Variants in PIEZO2 observed in about 807,000 individuals in gnomAD.
The protein encoded by PIEZO2 is piezo type mechanosensitive ion channel component 2.
PIEZO2 carries 172 observed loss-of-function variants against 337.3 expected under a neutral mutation model. The observed-to-expected ratio is 0.51, with a 90% CI of 0.45 to 0.58. The LOEUF is 0.58. Among genes scored for constraint, PIEZO2 ranks in the 20% least tolerant of loss-of-function variants. The pLI is 0.00. For synonymous variants in PIEZO2, 1,251 were observed against 1,228.5 expected (o/e 1.02, Z -0.38); for missense variants, 3,028 against 3,391.3 (o/e 0.89, Z 2.66).
At chr18:10,956,984 A>G (rs966594847) in intron 3 of PIEZO2, among the ~76,000 whole-genome samples, 1 of 110,874 alleles carries the variant, frequency 9.0e-6, no homozygotes, top group Non-Finnish European at 2.1e-5. Context: ...AAAAAAAAAA[A>G]AAGAAATCAT....
intron 30 of PIEZO2, among the ~76,000 whole-genome samples, chr18:10,747,957 A>G (rs865991483): frequency 6.6e-6 from 1 of 151,816 alleles, no homozygotes; most frequent in Non-Finnish European, 1.5e-5. Flanking sequence ...CCCCCACCTC[A>G]GGGCACTTCA....
rs1019472039 is a variant in PIEZO2 at position 10,895,184 on chromosome 18, G to T, written c.329+16002C>A. On this transcript the variant is annotated intron_variant, in intron 4 of 55. Transcript: ENST00000674853. This position sits in a 1 kb window ranked among gnomAD's most constrained non-coding sequence, Gnocchi z 4.8. The stretch of plus-strand genomic sequence containing the variant: ...CTCATGGCCGAGCATGGTGGCTCAT[G>T]CCTGTAATCCCAGCATTTTGGGAGG... 1.3e-5 allele frequency among the ~76,000 whole-genome samples: 2 copies of T among 152,172 alleles called. No homozygotes were observed. Among genetic ancestry groups the T allele is most frequent in the Non-Finnish European group, 2.9e-5 (2 of 68,034 alleles).
In PIEZO2 at chr18:10,728,974, AC is replaced by A. The variant is rs371221420; in HGVS notation, c.5029+2432del. 1.9e-3 allele frequency among the ~76,000 whole-genome samples: 273 copies of A among 140,448 alleles called. 2 individuals are homozygous for A. Among genetic ancestry groups the A allele is most frequent in the Middle Eastern group, 0.011 (3 of 272 alleles). The allele number at this position is 140,448 out of a possible 152,430, so 92.1% of individuals were successfully genotyped here. On this transcript the variant is annotated intron_variant, in intron 36 of 55. Transcript: ENST00000674853. ...TGTCTCAAAAAAAAAAAAAAAAAAA[AC>A]AAAAACCAATAAAGGAAACCACCTG... is the stretch of plus-strand genomic sequence containing the variant.
At chr18:10,803,825 T>C (rs2039905648) in intron 9 of PIEZO2, 50 bp downstream of exon 9, 31 of 1,533,020 alleles carry the variant, frequency 2.0e-5, no homozygotes, top group Non-Finnish European at 2.7e-5. Flanking sequence ...AACAGTAAAA[T>C]ACAAAAACAG....
At chr18:11,055,720 G>C (rs1193367465) in intron 2 of PIEZO2, among the ~76,000 whole-genome samples, 1 of 152,256 alleles carries the variant, frequency 6.6e-6, no homozygotes, top group East Asian at 1.9e-4. Context: ...TCCAGTTGCA[G>C]TGGGGGAAAT....
chr18:10,989,147 C>T (rs759887458), intron 2 of PIEZO2, among the ~76,000 whole-genome samples: 6 of 152,054 alleles, frequency 3.9e-5, no homozygotes, highest in South Asian at 2.1e-4. Flanking sequence ...TGGAGGGTGG[C>T]AGATATGTTT....
Position 10,828,494 on chromosome 18 carries a change from AT to A in PIEZO2, c.918-21221del, listed in dbSNP as rs1458107883. 1.3e-5 allele frequency among the ~76,000 whole-genome samples: 2 copies of A among 152,126 alleles called. No individual in the cohort carries two copies. Among genetic ancestry groups the A allele is most frequent in the Non-Finnish European group, 2.9e-5 (2 of 68,004 alleles). On this transcript the variant is annotated intron_variant, in intron 7 of 55. Coordinates refer to ENST00000674853, the MANE Select transcript of PIEZO2 (RefSeq NM_001378183.1). This position sits in a 1 kb window ranked among gnomAD's most constrained non-coding sequence, Gnocchi z 4.1. Reference sequence around the variant, plus strand: ...ATGTTTTCCTTCCATTGTTTCCTAAATGACCCTGGAAAAAACTGAAAGTAGA... The same window carrying A: ...ATGTTTTCCTTCCATTGTTTCCTAAAGACCCTGGAAAAAACTGAAAGTAGA...
Position 10,878,379 on chromosome 18 carries a change from C to T in PIEZO2, c.330-6964G>A, listed in dbSNP as rs1027813970. 4.6e-5 allele frequency among the ~76,000 whole-genome samples: 7 copies of T among 152,104 alleles called. No homozygotes were observed. Among genetic ancestry groups the T allele is most frequent in the East Asian group, 1.9e-4 (1 of 5,190 alleles). Reference sequence around the variant, plus strand: ...CCATAAAGAGCTCTGTAATTCAGCTCGGGGAAGATAATACACAAACACTAA... The same window carrying T: ...CCATAAAGAGCTCTGTAATTCAGCTTGGGGAAGATAATACACAAACACTAA... On this transcript the variant is annotated intron_variant, in intron 4 of 55. Coordinates refer to ENST00000674853, the MANE Select transcript of PIEZO2 (RefSeq NM_001378183.1). The surrounding 1 kb of genome is among the most constrained non-coding windows in gnomAD (Gnocchi z 4.3).
Position 10,727,136 on chromosome 18 carries a change from C to T in PIEZO2, c.5029+4271G>A, listed in dbSNP as rs540028153. 4.5e-6 allele frequency: 2 copies of T among 439,880 alleles called. No homozygotes were observed. The highest frequency in any genetic ancestry group is 7.9e-6 in the Non-Finnish European group (2 of 252,552). 27.2% of individuals were successfully genotyped at this position (439,880 alleles called of 1,614,324 possible). On this transcript the variant is annotated intron_variant, in intron 36 of 55. Coordinates refer to ENST00000674853, the MANE Select transcript of PIEZO2 (RefSeq NM_001378183.1). The surrounding 1 kb of genome is among the most constrained non-coding windows in gnomAD (Gnocchi z 6.3). Reference sequence around the variant, plus strand: ...GCTAGCCTCCCTGGGGCCTGGGGATCTGCAGCAGCATGTCTGGCAAACTGA... The same window carrying T: ...GCTAGCCTCCCTGGGGCCTGGGGATTTGCAGCAGCATGTCTGGCAAACTGA...
In PIEZO2 at chr18:11,096,534, C is replaced by T. The variant is rs534749122; in HGVS notation, c.65-30312G>A. Among the ~76,000 whole-genome samples, 2 of 152,162 alleles carry T rather than the reference C, an allele frequency of 1.3e-5. No homozygotes were observed. Among genetic ancestry groups the T allele is most frequent in the Admixed American group, 1.3e-4 (2 of 15,276 alleles). The stretch of plus-strand genomic sequence containing the variant: ...CTGAAATGACGCTTTACTAAGCATT[C>T]TCTGTGGCCATTCCCAGTTCTTTTC... On this transcript the variant is annotated intron_variant, in intron 1 of 55. Coordinates refer to ENST00000674853, the MANE Select transcript of PIEZO2 (RefSeq NM_001378183.1). The surrounding 1 kb of genome is among the most constrained non-coding windows in gnomAD (Gnocchi z 4.6).
At chr18:11,084,488 C>A (rs2038854411) in intron 1 of PIEZO2, among the ~76,000 whole-genome samples, 1 of 152,044 alleles carries the variant, frequency 6.6e-6, no homozygotes, top group South Asian at 2.1e-4. Flanking sequence ...GGTTGTGTAG[C>A]CAGAATGCAA....
chr18:10,903,600 G>A lies in PIEZO2; in HGVS notation c.329+7586C>T, dbSNP rs555051834. Among the ~76,000 whole-genome samples, 54 of 151,102 alleles carry A rather than the reference G, an allele frequency of 3.6e-4. No homozygotes were observed. The highest frequency in any genetic ancestry group is 1.3e-3 in the African/African-American group (52 of 41,098). On this transcript the variant is annotated intron_variant, in intron 4 of 55. Transcript: ENST00000674853. The surrounding 1 kb of genome is among the most constrained non-coding windows in gnomAD (Gnocchi z 4.1). ...CAGGAGAATGGCATGAACCCAGGAG[G>A]AGGCAGAGCTTGCAGTGAGCCGAGA...
chr18:10,682,759 T>C lies in PIEZO2; in HGVS notation c.7498-467A>G, dbSNP rs1439136157. ...TGAAAAAACATGATTTTTAATTTAA[T>C]TCATGACACGTGTTGTTAAAGACAA... On this transcript the variant is annotated intron_variant, in intron 49 of 55. Coordinates refer to ENST00000674853, the MANE Select transcript of PIEZO2 (RefSeq NM_001378183.1). This position sits in a 1 kb window ranked among gnomAD's most constrained non-coding sequence, Gnocchi z 5.6. 2.0e-5 allele frequency among the ~76,000 whole-genome samples: 3 copies of C among 151,732 alleles called. No homozygotes were observed. Among genetic ancestry groups the C allele is most frequent in the Admixed American group, 6.6e-5 (1 of 15,156 alleles).
rs2042833337 is a variant in PIEZO2 at position 10,894,245 on chromosome 18, G to C, written c.329+16941C>G. On this transcript the variant is annotated intron_variant, in intron 4 of 55. Transcript: ENST00000674853. This position sits in a 1 kb window ranked among gnomAD's most constrained non-coding sequence, Gnocchi z 4.1. ...ATGGGGGCGGATCACCTGAGGTCAG[G>C]AGTTGAGACCAGCCTGGCCAACATG... is the stretch of plus-strand genomic sequence containing the variant. 6.6e-6 allele frequency among the ~76,000 whole-genome samples: 1 copy of C among 152,086 alleles called. No individual in the cohort carries two copies. Among genetic ancestry groups the C allele is most frequent in the African/African-American group, 2.4e-5 (1 of 41,404 alleles).
In PIEZO2 at chr18:10,809,260, C is replaced by CTCT. The variant is rs1173120936; in HGVS notation, c.918-1987_918-1986insAGA. Among the ~76,000 whole-genome samples the CTCT allele has an allele frequency of 5.5e-3, 364 of 65,970 alleles. 15 individuals carry two copies. The highest frequency in any genetic ancestry group is 0.028 in the Middle Eastern group (2 of 72). The allele number at this position is 65,970 out of a possible 152,430, so 43.3% of individuals were successfully genotyped here. A position where few individuals can be genotyped will look rare whatever the true frequency, so the allele number is the denominator to read the frequency against. The stretch of plus-strand genomic sequence containing the variant: ...ACCTAAGATTTCTCTCTCTCTCTCT[C>CTCT]TTTTTTTTTTTTTTTTTTTTTTTTT... On this transcript the variant is annotated intron_variant, in intron 7 of 55. Coordinates refer to ENST00000674853, the MANE Select transcript of PIEZO2 (RefSeq NM_001378183.1).
Position 10,962,192 on chromosome 18 carries a change from T to C in PIEZO2, c.286+17343A>G, listed in dbSNP as rs2033810511. Among the ~76,000 whole-genome samples, 1 of 152,196 alleles carries C rather than the reference T, an allele frequency of 6.6e-6. No homozygotes were observed. The highest frequency in any genetic ancestry group is 1.5e-5 in the Non-Finnish European group (1 of 68,040). On this transcript the variant is annotated intron_variant, in intron 3 of 55. Coordinates refer to ENST00000674853, the MANE Select transcript of PIEZO2 (RefSeq NM_001378183.1). This position sits in a 1 kb window ranked among gnomAD's most constrained non-coding sequence, Gnocchi z 4.1. ...AATTATTTCCAGATGCTCTGTTCAA[T>C]GAAAGAGTCTTAAAAATAATGCAAA...
chr18:10,977,205 GT>G (rs575991960), intron 3 of PIEZO2, among the ~76,000 whole-genome samples: 2 of 152,040 alleles, frequency 1.3e-5, no homozygotes, highest in Non-Finnish European at 2.9e-5. Flanking sequence ...TTAGACTCTT[GT>G]GAGTCAGAAG....
In PIEZO2 at chr18:10,724,661, C is replaced by T. The variant is rs2036455492; in HGVS notation, c.5030-6402G>A. ...TCTCAGGCGTATGATCAGGCACCCA[C>T]CAGCCCACCTACCAGTCTGCTGTCC... On this transcript the variant is annotated intron_variant, in intron 36 of 55. Transcript: ENST00000674853. This position sits in a 1 kb window ranked among gnomAD's most constrained non-coding sequence, Gnocchi z 5.8. The T allele has an allele frequency of 1.2e-6, 1 of 857,546 alleles. No homozygotes were observed. Among genetic ancestry groups the T allele is most frequent in the Middle Eastern group, 2.3e-4 (1 of 4,296 alleles). 53.1% of individuals were successfully genotyped at this position (857,546 alleles called of 1,614,324 possible).
chr18:11,043,550 G>C (rs780781860), intron 2 of PIEZO2, among the ~76,000 whole-genome samples: 5 of 152,164 alleles, frequency 3.3e-5, no homozygotes, highest in Non-Finnish European at 7.3e-5. Flanking sequence ...GTAGGAGAGA[G>C]AGAGGTTGAG....
Sources: gnomAD v4.1 joint callset for allele counts (sites outside exome capture counted in the v4.1 genomes callset) on GRCh38, gnomAD v4.1.1 for gene constraint, Gnocchi (gnomAD v3.1) non-coding constraint, MANE v1.5 for transcripts, NCBI Gene and HGNC (gene_info 2026-07-23, HGNC 2026-07-21) for gene names.